PRRX2: variants seen among roughly 807,000 people sequenced by gnomAD.
PRRX2 encodes paired mesoderm homeobox protein 2.
Under a neutral mutation model 18.0 loss-of-function variants are expected in PRRX2, and 11 were observed. The observed-to-expected ratio is 0.61, with a 90% CI of 0.39 to 1.01. The LOEUF (loss-of-function observed/expected upper bound fraction) is 1.01. PRRX2 is among the 50% of genes least tolerant of loss of function. The pLI is 0.01. For missense variants in PRRX2, 387 were observed against 351.0 expected (o/e 1.10, Z -0.82); for synonymous variants, 177 against 154.8 (o/e 1.14, Z -1.06).
chr9:129,687,715 C>T (rs1377045106), intron 1 of PRRX2, among the ~76,000 whole-genome samples: 1 of 152,242 alleles, frequency 6.6e-6, no homozygotes, highest in African/African-American at 2.4e-5. Flanking sequence ...GAACTCATCA[C>T]ACCCGAGATT....
chr9:129,700,732 T>C lies in PRRX2; in HGVS notation c.260-18499T>C, dbSNP rs561034473. On this transcript the variant is annotated intron_variant, in intron 1 of 3. Coordinates refer to ENST00000372469, the MANE Select transcript of PRRX2 (RefSeq NM_016307.4). Reference sequence around the variant, plus strand: ...TCCCGGGCTCAAGTGATCCTCCCACTTCAGCCTCCTGAGTTGCTGGGACTA... The same window carrying C: ...TCCCGGGCTCAAGTGATCCTCCCACCTCAGCCTCCTGAGTTGCTGGGACTA... Among the ~76,000 whole-genome samples the C allele has an allele frequency of 3.3e-5, 5 of 151,080 alleles. No individual in the cohort carries two copies. The East Asian group carries it at 9.8e-4, about 30-fold the overall frequency.
intron 1 of PRRX2, among the ~76,000 whole-genome samples, chr9:129,679,348 G>A (rs564312860): frequency 2.2e-4 from 34 of 152,256 alleles, no homozygotes; most frequent in African/African-American, 7.5e-4. Flanking sequence ...ACGGTGGCAG[G>A]GGGGAGGTGG....
chr9:129,678,953 G>A (rs533309904), intron 1 of PRRX2, among the ~76,000 whole-genome samples: 27 of 152,286 alleles, frequency 1.8e-4, no homozygotes, highest in African/African-American at 5.5e-4. Flanking sequence ...CCCAGCTGCC[G>A]TGAGACCTGC....
intron 1 of PRRX2, among the ~76,000 whole-genome samples, chr9:129,693,012 C>T (rs909965569): frequency 6.6e-6 from 1 of 152,172 alleles, no homozygotes; most frequent in Non-Finnish European, 1.5e-5. Flanking sequence ...CGCATTCTCG[C>T]CAGCAGTGGA....
chr9:129,681,536 C>T (rs1485924639), intron 1 of PRRX2, among the ~76,000 whole-genome samples: 2 of 152,070 alleles, frequency 1.3e-5, no homozygotes, highest in Non-Finnish European at 2.9e-5. Flanking sequence ...AAACAGAAAG[C>T]AGGTTCCTTG....
chr9:129,688,864 T>C (rs1210014300), intron 1 of PRRX2, among the ~76,000 whole-genome samples: 1 of 152,134 alleles, frequency 6.6e-6, no homozygotes, highest in Non-Finnish European at 1.5e-5. Flanking sequence ...CACCCTCTGG[T>C]TGGGTGGCTC....
intron 1 of PRRX2, among the ~76,000 whole-genome samples, chr9:129,680,233 C>T (rs1832209143): frequency 6.6e-6 from 1 of 151,754 alleles, no homozygotes; most frequent in African/African-American, 2.4e-5. Flanking sequence ...GAAGCCCCAT[C>T]TCTACTAAAA....
rs538378912 is a variant in PRRX2 at position 129,676,231 on chromosome 9, CAG to C, written c.259+10106_259+10107del. Among the ~76,000 whole-genome samples the C allele has an allele frequency of 1.6e-3, 243 of 152,264 alleles. 2 individuals carry two copies. Among genetic ancestry groups the C allele is most frequent in the African/African-American group, 4.0e-3 (166 of 41,556 alleles). On this transcript the variant is annotated intron_variant, in intron 1 of 3. Coordinates refer to ENST00000372469, the MANE Select transcript of PRRX2 (RefSeq NM_016307.4). ...GGTTGGGCCCTGGGACGGTGGGAAT[CAG>C]GGGTGGCATGGCCAAGAACATGGGA...
chr9:129,666,572 C>CCCG (rs1832027228), intron 1 of PRRX2, among the ~76,000 whole-genome samples: 1 of 60,062 alleles, frequency 1.7e-5, no homozygotes, highest in South Asian at 5.0e-4. Flanking sequence ...TGCCTGCCCA[C>CCCG]CCCCCCCCAC....
In PRRX2 at chr9:129,719,182, G is replaced by C. The variant is rs755749704; in HGVS notation, c.260-49G>C. ...CAGAGTTGGGGGCTGAACTGTGACT[G>C]TAGCCACTGGCCGTCCTGCTGACCA... is the stretch of plus-strand genomic sequence containing the variant. On this transcript the variant is annotated intron_variant, in intron 1 of 3. Coordinates refer to ENST00000372469, the MANE Select transcript of PRRX2 (RefSeq NM_016307.4). 2.7e-6 allele frequency: 4 copies of C among 1,470,322 alleles called. No homozygotes were observed. In the South Asian group the frequency reaches 5.5e-5, roughly 20 times the overall value. 91.1% of individuals were successfully genotyped at this position (1,470,322 alleles called of 1,614,324 possible). A position where few individuals can be genotyped will look rare whatever the true frequency, so the allele number is the denominator to read the frequency against.
chr9:129,685,252 C>T (rs1480602408), intron 1 of PRRX2, among the ~76,000 whole-genome samples: 1 of 152,246 alleles, frequency 6.6e-6, no homozygotes, highest in Non-Finnish European at 1.5e-5. Flanking sequence ...ATCCCCCTCA[C>T]GTTACATTAA....
intron 1 of PRRX2, among the ~76,000 whole-genome samples, chr9:129,697,421 G>A (rs1247149055): frequency 6.6e-6 from 1 of 151,678 alleles, no homozygotes; most frequent in Non-Finnish European, 1.5e-5. Flanking sequence ...CTGGGCGCGG[G>A]ATCTATTAAC....
chr9:129,722,478 G>C lies in PRRX2; in HGVS notation c.*126G>C. On this transcript the variant is annotated 3_prime_UTR_variant, in exon 4 of 4. Transcript: ENST00000372469. The stretch of plus-strand genomic sequence containing the variant: ...GCCCGTCTGTCCAGCCTGGACTCCC[G>C]AGCCCACGAGGCTGTTGAGGCCCCT... 8.7e-7 allele frequency: 1 copy of C among 1,146,818 alleles called. No homozygotes were observed. Among genetic ancestry groups the C allele is most frequent in the Non-Finnish European group, 1.1e-6 (1 of 886,180 alleles). The allele number at this position is 1,146,818 out of a possible 1,614,324, so 71.0% of individuals were successfully genotyped here. A position where few individuals can be genotyped will look rare whatever the true frequency, so the allele number is the denominator to read the frequency against.
intron 1 of PRRX2, among the ~76,000 whole-genome samples, chr9:129,684,532 A>ACACACACACACACACACACACACACCCC (rs1165343797): frequency 1.4e-5 from 2 of 140,280 alleles, no homozygotes; most frequent in South Asian, 2.3e-4. Flanking sequence ...ACCCACACAC[A>ACACACACACACACACACACACACACCCC]CCCCAACAGA....
chr9:129,678,224 A>G (rs1301297082), intron 1 of PRRX2, among the ~76,000 whole-genome samples: 2 of 152,028 alleles, frequency 1.3e-5, no homozygotes, highest in Non-Finnish European at 2.9e-5. Context: ...TCGACCTCCC[A>G]AAGTGCTGGG....
intron 1 of PRRX2, among the ~76,000 whole-genome samples, chr9:129,699,916 G>A (rs1832473329): frequency 6.6e-6 from 1 of 152,090 alleles, no homozygotes; most frequent in Non-Finnish European, 1.5e-5. Context: ...CCAGGCACAT[G>A]GTTGCTTCTG....
intron 1 of PRRX2, among the ~76,000 whole-genome samples, chr9:129,684,346 C>G (rs1392314283): frequency 2.0e-5 from 3 of 151,896 alleles, no homozygotes; most frequent in African/African-American, 2.4e-5. Flanking sequence ...AGCAATGACA[C>G]TGGGGCCTGG....
At chr9:129,719,945 C>T (rs1157191702) in intron 2 of PRRX2, among the ~76,000 whole-genome samples, 1 of 152,136 alleles carries the variant, frequency 6.6e-6, no homozygotes, top group South Asian at 2.1e-4. Context: ...TGAGATTGCG[C>T]CACTGCACTC....
chr9:129,672,321 C>A (rs1832109806), intron 1 of PRRX2, among the ~76,000 whole-genome samples: 1 of 152,304 alleles, frequency 6.6e-6, no homozygotes, highest in South Asian at 2.1e-4. Context: ...GCTGTGTGCT[C>A]TGCATGTCGG....
Sources: allele counts gnomAD v4.1 joint callset (sites outside exome capture counted in the v4.1 genomes callset), GRCh38; gene constraint gnomAD v4.1.1; transcripts MANE v1.5; gene names NCBI Gene and HGNC (gene_info 2026-07-23, HGNC 2026-07-21).